The following TTC27 variants were observed in gnomAD, a reference collection of about 807,000 sequenced individuals.
The protein encoded by TTC27 is tetratricopeptide repeat protein 27.
A neutral mutation model predicts 115.9 loss-of-function variants in TTC27; 79 were observed. The observed-to-expected ratio is 0.68, with a 90% CI of 0.57 to 0.82. The LOEUF (loss-of-function observed/expected upper bound fraction) is 0.82. TTC27 is among the 40% of genes least tolerant of loss of function. The pLI is 0.00. For missense variants in TTC27, 1,054 were observed against 993.1 expected (o/e 1.06, Z -0.82); for synonymous variants, 401 against 356.0 (o/e 1.13, Z -1.42).
At chr2:32,773,738 A>G (rs1158048776) in intron 13 of TTC27, among the ~76,000 whole-genome samples, 1 of 152,238 alleles carries the variant, frequency 6.6e-6, no homozygotes, top group Non-Finnish European at 1.5e-5. Context: ...ATGCTCATTA[A>G]GAGCTAATTA....
At chr2:32,765,640 A>G (rs931398680) in intron 13 of TTC27, among the ~76,000 whole-genome samples, 2 of 152,208 alleles carry the variant, frequency 1.3e-5, no homozygotes, top group African/African-American at 4.8e-5. Flanking sequence ...GTCCTAGATG[A>G]CATCTTCTTC....
chr2:32,723,871 C>G (rs1382354327), intron 10 of TTC27, among the ~76,000 whole-genome samples: 1 of 151,172 alleles, frequency 6.6e-6, no homozygotes, highest in East Asian at 1.9e-4. Context: ...ATAATCATAG[C>G]TCACTGCATC....
At chr2:32,690,211 G>A (rs1666765170) in intron 9 of TTC27, among the ~76,000 whole-genome samples, 1 of 152,114 alleles carries the variant, frequency 6.6e-6, no homozygotes. Context: ...TTTTGAAGAA[G>A]CCAAGTGACC....
chr2:32,728,515 A>G (rs1440340037), intron 10 of TTC27, among the ~76,000 whole-genome samples: 1 of 152,170 alleles, frequency 6.6e-6, no homozygotes, highest in Non-Finnish European at 1.5e-5. Flanking sequence ...CCTGTCTCCC[A>G]TATTTTTGGA....
chr2:32,775,840 C>A (rs1669980361), intron 13 of TTC27, among the ~76,000 whole-genome samples: 1 of 152,154 alleles, frequency 6.6e-6, no homozygotes, highest in African/African-American at 2.4e-5. Flanking sequence ...AAATATAATA[C>A]ACAGATTTTG....
Position 32,743,467 on chromosome 2 carries a change from C to G in TTC27, c.1452+6651C>G, listed in dbSNP as rs980030129. Among the ~76,000 whole-genome samples, 7 of 152,152 alleles carry G rather than the reference C, an allele frequency of 4.6e-5. No individual in the cohort carries two copies. The South Asian group carries it at 1.4e-3, about 31-fold the overall frequency. ...GCTTAGGGTAGGATCTTCTCTCCCA[C>G]AAATCTCAAATTTCCCATATAACAA... is the stretch of plus-strand genomic sequence containing the variant. On this transcript the variant is annotated intron_variant, in intron 12 of 19. Coordinates refer to ENST00000317907, the MANE Select transcript of TTC27 (RefSeq NM_017735.5).
intron 16 of TTC27, among the ~76,000 whole-genome samples, chr2:32,803,745 C>T (rs532864931): frequency 1.3e-5 from 2 of 152,244 alleles, no homozygotes; most frequent in South Asian, 4.2e-4. Flanking sequence ...CACGGTGGCT[C>T]ATGCCTGTAA....
At chr2:32,775,322 C>T (rs911517437) in intron 13 of TTC27, among the ~76,000 whole-genome samples, 6 of 152,238 alleles carry the variant, frequency 3.9e-5, no homozygotes, top group African/African-American at 7.2e-5. Context: ...CTCAGCCTCC[C>T]GAGTACCTGG....
chr2:32,641,203 G>T (rs536366228), intron 4 of TTC27, among the ~76,000 whole-genome samples: 1 of 152,170 alleles, frequency 6.6e-6, no homozygotes, highest in Admixed American at 6.6e-5. Flanking sequence ...ATATAAACTA[G>T]TGAGGACAAA....
intron 10 of TTC27, among the ~76,000 whole-genome samples, chr2:32,705,858 G>A (rs1034954618): frequency 6.6e-6 from 1 of 152,034 alleles, no homozygotes; most frequent in African/African-American, 2.4e-5. Flanking sequence ...ATTTATTGAT[G>A]TATCTTCTCT....
At chr2:32,685,471 T>C (rs1979148) in intron 9 of TTC27, among the ~76,000 whole-genome samples, 126,892 of 152,096 alleles carry the variant, frequency 0.83, 52,968 homozygotes, top group Middle Eastern at 0.93. Context: ...GACTTTAATT[T>C]CCATTGTCAA....
chr2:32,714,536 G>C (rs1044408414), intron 10 of TTC27, among the ~76,000 whole-genome samples: 36 of 152,138 alleles, frequency 2.4e-4, no homozygotes, highest in African/African-American at 8.2e-4. Context: ...ATTGTGAATA[G>C]TGCTGTAATG....
At chr2:32,797,188 AAAAG>A in intron 16 of TTC27, among the ~76,000 whole-genome samples, 1 of 151,450 alleles carries the variant, frequency 6.6e-6, no homozygotes, top group African/African-American at 2.4e-5. Context: ...AAAAAAAAAA[AAAAG>A]AGACAGTGTC....
chr2:32,811,116 A>G lies in TTC27; in HGVS notation c.2091A>G (p.Leu697=), dbSNP rs772233472. Residue 697 remains leucine, a synonymous_variant, in exon 17 of 20, where the codon TTA becomes TTG. Coordinates refer to ENST00000317907, the MANE Select transcript of TTC27 (RefSeq NM_017735.5). ...GCCTCAAAGGAAAGCTGCAGGAGTT[A>G]TTTGGCAGAGTGACTTCAAGAGTGA... is the stretch of plus-strand genomic sequence containing the variant. ...ATGLKGKLQE[L]FGRVTSRVTN... is the part of the protein sequence containing the mutation. 5.0e-6 allele frequency: 8 copies of G among 1,614,188 alleles called. No individual in the cohort carries two copies. The highest frequency in any genetic ancestry group is 1.3e-5 in the African/African-American group (1 of 75,052).
chr2:32,633,881 A>C lies in TTC27; in HGVS notation c.272A>C (p.Gln91Pro), dbSNP rs1664311087. Reference sequence around the variant, plus strand: ...TTAACCATTCTTATATGCAGACAACAGTTGATATTTCTACTTGGTGTGAGC... The same window carrying C: ...TTAACCATTCTTATATGCAGACAACCGTTGATATTTCTACTTGGTGTGAGC... ...STDLDTTERQ[Q>P]LIFLLGVSSL... The change falls in exon 3 of 20, where the codon CAG becomes CCG. Residue 91 changes from glutamine (Q) to proline (P), a missense_variant. Transcript: ENST00000317907. 6.2e-7 allele frequency: 1 copy of C among 1,613,478 alleles called. No homozygotes were observed. The highest frequency in any genetic ancestry group is 1.3e-5 in the African/African-American group (1 of 74,906).
chr2:32,818,131 C>T (rs1671568020), intron 19 of TTC27, among the ~76,000 whole-genome samples: 1 of 151,328 alleles, frequency 6.6e-6, no homozygotes, highest in African/African-American at 2.4e-5. Context: ...TAAAATAAAA[C>T]AATGCTCTTG....
intron 10 of TTC27, among the ~76,000 whole-genome samples, chr2:32,723,165 T>C (rs1176935844): frequency 6.6e-6 from 1 of 152,196 alleles, no homozygotes; most frequent in African/African-American, 2.4e-5. Flanking sequence ...CACTAAATAA[T>C]AACTTTAGTC....
At chr2:32,790,732 C>A (rs1202105820) in intron 16 of TTC27, among the ~76,000 whole-genome samples, 1 of 152,116 alleles carries the variant, frequency 6.6e-6, no homozygotes, top group African/African-American at 2.4e-5. Context: ...ACCTCCACCC[C>A]ACCCTGACGC....
At chr2:32,691,583 G>A (rs1666812859) in intron 9 of TTC27, among the ~76,000 whole-genome samples, 1 of 152,088 alleles carries the variant, frequency 6.6e-6, no homozygotes, top group African/African-American at 2.4e-5. Flanking sequence ...ACAGGCATGA[G>A]CCACCGCGCC....
Sources: gnomAD v4.1 joint callset for allele counts (sites outside exome capture counted in the v4.1 genomes callset) on GRCh38, gnomAD v4.1.1 for gene constraint, MANE v1.5 for transcripts, NCBI Gene and HGNC (gene_info 2026-07-23, HGNC 2026-07-21) for gene names.